CERS6: variants seen among roughly 807,000 people sequenced by gnomAD.
CERS6 encodes the protein ceramide synthase 6.
Under a neutral mutation model 56.8 loss-of-function variants are expected in CERS6, and 26 were observed. That is an observed-to-expected ratio of 0.46 (90% CI 0.34 to 0.63). The LOEUF (loss-of-function observed/expected upper bound fraction) is 0.63. Among genes scored for constraint, CERS6 ranks in the 30% least tolerant of loss-of-function variants. The pLI, the probability that CERS6 is intolerant of heterozygous loss-of-function variation, is 0.01. For missense variants in CERS6, 415 were observed against 467.5 expected, an observed-to-expected ratio of 0.89 and a Z score of 1.04; for synonymous variants, 164 against 173.3, an observed-to-expected ratio of 0.95 and a Z score of 0.42.
At chr2:168,592,631 G>A (rs979934702) in intron 3 of CERS6, among the ~76,000 whole-genome samples, 1 of 152,114 alleles carries the variant, frequency 6.6e-6, no homozygotes, top group African/African-American at 2.4e-5. Flanking sequence ...AGGAACAGTG[G>A]AAGCTCACTG....
At chr2:168,458,601 T>A (rs1693720570) in intron 1 of CERS6, among the ~76,000 whole-genome samples, 1 of 152,234 alleles carries the variant, frequency 6.6e-6, no homozygotes. Flanking sequence ...GCAAATGTCC[T>A]CATATTGATA....
intron 8 of CERS6, among the ~76,000 whole-genome samples, chr2:168,739,151 C>T (rs1013187790): frequency 7.4e-5 from 11 of 148,420 alleles, no homozygotes; most frequent in Non-Finnish European, 1.5e-4. Context: ...TCGGGTAATC[C>T]GCCTGCCTCG....
chr2:168,715,322 C>CA (rs549747490), intron 7 of CERS6, among the ~76,000 whole-genome samples, 193 bp downstream of exon 7: 5 of 150,260 alleles, frequency 3.3e-5, no homozygotes, highest in East Asian at 1.9e-4. Context: ...AACTTTTATA[C>CA]AAAAAAAAAG....
At chr2:168,725,681 A>G (rs1020661226) in intron 8 of CERS6, among the ~76,000 whole-genome samples, 1 of 152,242 alleles carries the variant, frequency 6.6e-6, no homozygotes, top group Non-Finnish European at 1.5e-5. Flanking sequence ...TGTAGTCAGT[A>G]TTCAAAAGCT....
Position 168,659,005 on chromosome 2 carries a change from A to G in CERS6, c.465+27963A>G, listed in dbSNP as rs1685562060. 2.0e-5 allele frequency among the ~76,000 whole-genome samples: 3 copies of G among 152,254 alleles called. No individual in the cohort carries two copies. The South Asian group carries it at 6.2e-4, about 32-fold the overall frequency. ...AATATCAGGATACCCTGTATCACAC[A>G]GTATCCTCTTTGTGAGGACTTCTAG... On this transcript the variant is annotated intron_variant, in intron 4 of 9. Coordinates refer to ENST00000305747, the MANE Select transcript of CERS6 (RefSeq NM_203463.3).
chr2:168,552,331 C>G lies in CERS6; in HGVS notation c.276+4630C>G, dbSNP rs188886485. On this transcript the variant is annotated intron_variant, in intron 2 of 9. Coordinates refer to ENST00000305747, the MANE Select transcript of CERS6 (RefSeq NM_203463.3). ...TAAGGAAAGAACAATAAGAAACCCC[C>G]ACCCTACATACAGAGTATACACACA... Among the ~76,000 whole-genome samples, 558 of 146,536 alleles carry G rather than the reference C, an allele frequency of 3.8e-3. 4 individuals are homozygous for G. The highest frequency in any genetic ancestry group is 0.013 in the African/African-American group (502 of 39,610).
chr2:168,539,795 C>T (rs1574052418), intron 1 of CERS6, among the ~76,000 whole-genome samples: 1 of 152,168 alleles, frequency 6.6e-6, no homozygotes. Context: ...GTTACCTCTC[C>T]CCACTTCTCC....
intron 4 of CERS6, among the ~76,000 whole-genome samples, chr2:168,683,255 T>A (rs1249187635): frequency 6.6e-6 from 1 of 152,174 alleles, no homozygotes; most frequent in Non-Finnish European, 1.5e-5. Context: ...TTCCTGTAAG[T>A]ATATAAGTGA....
chr2:168,697,626 T>G (rs1686689174), intron 6 of CERS6, among the ~76,000 whole-genome samples: 1 of 151,196 alleles, frequency 6.6e-6, no homozygotes, highest in South Asian at 2.1e-4. Context: ...GGCCATGCAA[T>G]ATAGGAATGA....
intron 1 of CERS6, among the ~76,000 whole-genome samples, chr2:168,497,592 T>C (rs745722621): frequency 2.6e-5 from 4 of 152,180 alleles, no homozygotes; most frequent in African/African-American, 4.8e-5. Flanking sequence ...CCCATGGCAG[T>C]ACCTGCATAA....
intron 4 of CERS6, among the ~76,000 whole-genome samples, chr2:168,673,308 G>T (rs1213354613): frequency 1.3e-5 from 2 of 152,044 alleles, no homozygotes; most frequent in Non-Finnish European, 2.9e-5. Context: ...GCTTTTTATT[G>T]TCCTGATTAC....
intron 3 of CERS6, chr2:168,606,583 A>C (rs1323210088): frequency 6.6e-6 from 1 of 152,222 alleles, no homozygotes; most frequent in Non-Finnish European, 1.5e-5. Flanking sequence ...TCTTGAGTTA[A>C]TGATGGAATG....
chr2:168,515,821 C>G (rs1694874838), intron 1 of CERS6, among the ~76,000 whole-genome samples: 1 of 152,218 alleles, frequency 6.6e-6, no homozygotes, highest in African/African-American at 2.4e-5. Context: ...ATTGTCTGTA[C>G]TGTAGCTGAC....
At chr2:168,717,832 G>A (rs927689893) in intron 7 of CERS6, 40 bp from the exon 8 acceptor site, 2 of 1,479,152 alleles carry the variant, frequency 1.4e-6, no homozygotes, top group African/African-American at 2.8e-5. Flanking sequence ...TTTATTATCA[G>A]TTTAACTACA....
intron 8 of CERS6, among the ~76,000 whole-genome samples, chr2:168,742,304 A>G (rs146238869): frequency 6.6e-5 from 10 of 152,368 alleles, no homozygotes; most frequent in Non-Finnish European, 1.3e-4. Flanking sequence ...GGCAGTAAAC[A>G]GGCCAAATAC....
chr2:168,598,022 C>T (rs16855576), intron 3 of CERS6, among the ~76,000 whole-genome samples: 4,427 of 152,286 alleles, frequency 0.029, 217 homozygotes, highest in African/African-American at 0.1. Flanking sequence ...GGATCTTCCA[C>T]GTGTAACTCT....
intron 3 of CERS6, among the ~76,000 whole-genome samples, chr2:168,602,697 CAG>C (rs1683963800): frequency 6.6e-6 from 1 of 152,164 alleles, no homozygotes. Flanking sequence ...ACATCAAAAA[CAG>C]GGAAAAATCT....
intron 3 of CERS6, among the ~76,000 whole-genome samples, chr2:168,566,455 T>C (rs181174646): frequency 6.6e-6 from 1 of 152,360 alleles, no homozygotes; most frequent in East Asian, 1.9e-4. Context: ...ACTGTGATTA[T>C]TTCTGCAAAG....
chr2:168,731,936 A>G (rs1450613488), intron 8 of CERS6, among the ~76,000 whole-genome samples: 1 of 152,206 alleles, frequency 6.6e-6, no homozygotes, highest in Non-Finnish European at 1.5e-5. Context: ...CCAAGTCAGC[A>G]TGTCATGAAA....
Sources: allele counts gnomAD v4.1 joint callset (sites outside exome capture counted in the v4.1 genomes callset), GRCh38; gene constraint gnomAD v4.1.1; transcripts MANE v1.5; gene names NCBI Gene and HGNC (gene_info 2026-07-23, HGNC 2026-07-21).